Variants in NOTCH1 observed in about 807,000 individuals in gnomAD.
NOTCH1 encodes the protein notch receptor 1.
A neutral mutation model predicts 254.8 loss-of-function variants in NOTCH1; 37 were observed. The ratio of observed to expected loss-of-function variants is 0.15; its 90% confidence interval spans 0.11 to 0.19. The LOEUF is 0.19. Among genes scored for constraint, NOTCH1 ranks in the 10% least tolerant of loss-of-function variants. The pLI is 1.00. For missense variants in NOTCH1, 2,972 were observed against 3,708.6 expected (o/e 0.80, Z 5.16); for synonymous variants, 1,731 against 1,618.1 (o/e 1.07, Z -1.68).
intron 33 of NOTCH1, among the ~76,000 whole-genome samples, chr9:136,497,931 G>C (rs960978776): frequency 6.6e-6 from 1 of 152,182 alleles, no homozygotes; most frequent in Non-Finnish European, 1.5e-5. Flanking sequence ...AGGCACCGGC[G>C]AGGGCACCAG....
chr9:136,513,404 C>T lies in NOTCH1; in HGVS notation c.2341G>A (p.Glu781Lys), dbSNP rs1289723896. Residue 781 changes from glutamate to lysine, a missense_variant, in exon 14 of 34, where the codon GAG (glutamate) becomes AAG (lysine). By Grantham distance (56) the Glu-to-Lys change is moderately conservative (BLOSUM62 1). Around this residue, in one of 8 missense-constraint regions of NOTCH1, gnomAD observed 1,343 missense variants for 1,557.0 expected, o/e 0.86. Coordinates refer to ENST00000651671, the MANE Select transcript of NOTCH1 (RefSeq NM_017617.5). This position sits in a 1 kb window ranked among gnomAD's most constrained non-coding sequence, Gnocchi z 4.7. ...MTSGYVCTCR[E>K]GFSGPNCQTN... Reference sequence around the variant, plus strand: ...GCAGCCCACTCACCGCTGAAGCCCTCCCGGCAGGTGCACACGTAGCCACTG... The same window carrying T: ...GCAGCCCACTCACCGCTGAAGCCCTTCCGGCAGGTGCACACGTAGCCACTG... 2 of 1,612,934 alleles carry T rather than the reference C, an allele frequency of 1.2e-6. No individual in the cohort carries two copies. The highest frequency in any genetic ancestry group is 2.2e-5 in the South Asian group (2 of 91,088).
Position 136,508,078 on chromosome 9 carries a change from G to A in NOTCH1, c.3387C>T (p.His1129=), listed in dbSNP as rs1843117451. ...GGLCVDAGNT[H]HCRCQAGYTG... ...TGTAGCCCGCCTGGCAGCGGCAGTG[G>A]TGCGTGTTGCCCGCGTCCACACAGA... The change falls in exon 21 of 34, where the codon CAC becomes CAT. Residue 1129 remains histidine (H), a synonymous_variant. Transcript: ENST00000651671. 1 of 1,610,378 alleles carries A rather than the reference G, an allele frequency of 6.2e-7. No homozygotes were observed. The highest frequency in any genetic ancestry group is 1.1e-5 in the South Asian group (1 of 91,086).
At position 136,497,405 on chromosome 9, in the gene NOTCH1, G is replaced by C. The variant is rs1257768093; in HGVS notation, c.6334C>G (p.Leu2112Val). The part of the protein sequence containing the change: ...QERMHHDIVR[L>V]LDEYNLVRSP... ...CGCACCAGGTTGTACTCGTCCAGCAGCCTCACGATGTCGTGATGCATGCGC... is the reference window on the plus strand; with the variant it reads ...CGCACCAGGTTGTACTCGTCCAGCACCCTCACGATGTCGTGATGCATGCGC... Residue 2112 changes from leucine (L) to valine (V), a missense_variant, in exon 34 of 34, where the codon CTG becomes GTG. By Grantham distance (32) the Leu-to-Val change is conservative. Around this residue, in one of 8 missense-constraint regions of NOTCH1, gnomAD observed 529 missense variants for 529.2 expected, o/e 1.00. Transcript: ENST00000651671. 6.2e-7 allele frequency: 1 copy of C among 1,610,940 alleles called. No homozygotes were observed. Among genetic ancestry groups the C allele is most frequent in the Non-Finnish European group, 8.5e-7 (1 of 1,179,892 alleles).
intron 6 of NOTCH1, 33 bp downstream of exon 6, chr9:136,518,558 C>T (rs2133370436): frequency 6.3e-7 from 1 of 1,577,792 alleles, no homozygotes; most frequent in Non-Finnish European, 8.7e-7. Flanking sequence ...CCATGTGAGC[C>T]CCCTGCGCCC....
Position 136,496,779 on chromosome 9 carries a change from C to T in NOTCH1, c.6960G>A (p.Pro2320=), listed in dbSNP as rs768457106. 58 of 1,612,734 alleles carry T rather than the reference C, an allele frequency of 3.6e-5. No individual in the cohort carries two copies. The highest frequency in any genetic ancestry group is 3.4e-5 in the Non-Finnish European group (40 of 1,180,004). ...WLSRLQSGMV[P]NQYNPLRGSV... is the part of the protein sequence containing the mutation. ...TCCCCCGCAGAGGGTTGTATTGGTTCGGCACCATGCCGCTCTGCAGCCGGG... is the reference window on the plus strand; with the variant it reads ...TCCCCCGCAGAGGGTTGTATTGGTTTGGCACCATGCCGCTCTGCAGCCGGG... Residue 2320 remains proline, a synonymous_variant, in exon 34 of 34, where the codon CCG becomes CCA. Transcript: ENST00000651671.
At position 136,517,027 on chromosome 9, in the gene NOTCH1, G is replaced by A. The variant is rs3124605; in HGVS notation, c.1555+245C>T. ...CCCAGGGGCAGGGGACACAATCCAC[G>A]GCCAGGCCCCCCTCAGGAGGCCGGG... On this transcript the variant is annotated intron_variant, in intron 9 of 33. Coordinates refer to ENST00000651671, the MANE Select transcript of NOTCH1 (RefSeq NM_017617.5). Among the ~76,000 whole-genome samples the A allele has an allele frequency of 0.44, 63,436 of 144,084 alleles. 15,456 individuals are homozygous for A. The highest frequency in any genetic ancestry group is 0.85 in the East Asian group (4,020 of 4,724). 94.5% of individuals were successfully genotyped at this position (144,084 alleles called of 152,430 possible).
At chr9:136,542,724 C>A (rs767549619) in intron 2 of NOTCH1, among the ~76,000 whole-genome samples, 1 of 148,652 alleles carries the variant, frequency 6.7e-6, no homozygotes, top group Non-Finnish European at 1.5e-5. Flanking sequence ...AGGCAGGAGC[C>A]GGGCTGGGGT....
At chr9:136,509,275 T>C (rs1394893207) in intron 18 of NOTCH1, among the ~76,000 whole-genome samples, 2 of 152,162 alleles carry the variant, frequency 1.3e-5, no homozygotes, top group African/African-American at 4.8e-5. Flanking sequence ...CTCCCTCCCC[T>C]GCTTTCTTTA....
intron 4 of NOTCH1, among the ~76,000 whole-genome samples, chr9:136,520,645 G>C (rs1432005209): frequency 1.3e-5 from 2 of 151,988 alleles, no homozygotes; most frequent in Non-Finnish European, 2.9e-5. Context: ...GGCTGAGGCA[G>C]AAGGATCGCT....
In NOTCH1 at chr9:136,497,120, G is replaced by C; in HGVS notation, c.6619C>G (p.His2207Asp). 1 of 1,612,150 alleles carries C rather than the reference G, an allele frequency of 6.2e-7. No individual in the cohort carries two copies. Among genetic ancestry groups the C allele is most frequent in the Non-Finnish European group, 8.5e-7 (1 of 1,179,636 alleles). The change falls in exon 34 of 34, where the codon CAT (histidine) becomes GAT (aspartate). Residue 2207 changes from histidine to aspartate, a missense_variant. His to Asp is a moderately conservative substitution (Grantham distance 81). This residue lies in a region of NOTCH1 where 529 missense variants were observed against 529.2 expected (regional missense o/e 1.00). Transcript: ENST00000651671. Reference protein sequence around the residue: ...LSPVDSLESPHGYLSDVASPP... With the variant: ...LSPVDSLESPDGYLSDVASPP... ...GAGGCCACGTCTGACAGGTAGCCAT[G>C]GGGTGACTCCAGGGAGTCCACGGGC...
At chr9:136,511,984 T>A (rs1473938353) in intron 15 of NOTCH1, among the ~76,000 whole-genome samples, 1 of 152,214 alleles carries the variant, frequency 6.6e-6, no homozygotes, top group African/African-American at 2.4e-5. Flanking sequence ...TCCCCCATTA[T>A]CTCCCTGGCC....
At chr9:136,521,633 CCAG>C (rs767387342) in intron 4 of NOTCH1, among the ~76,000 whole-genome samples, 87 of 152,316 alleles carry the variant, frequency 5.7e-4, no homozygotes, top group Non-Finnish European at 1.0e-3. Flanking sequence ...TGAGCCCCCA[CCAG>C]CAGAAGGGCT....
chr9:136,510,591 T>G (rs1843163572), intron 17 of NOTCH1, 62 bp downstream of exon 17: 2 of 1,560,404 alleles, frequency 1.3e-6, no homozygotes, highest in African/African-American at 2.7e-5. Flanking sequence ...GCACCAACCC[T>G]GCCCGGGGGA....
Position 136,496,857 on chromosome 9 carries a change from C to T in NOTCH1, c.6882G>A (p.Leu2294=), listed in dbSNP as rs772196777. 1.2e-6 allele frequency: 2 copies of T among 1,612,950 alleles called. No individual in the cohort carries two copies. The highest frequency in any genetic ancestry group is 1.7e-6 in the Non-Finnish European group (2 of 1,180,004). The change falls in exon 34 of 34, where the codon CTG becomes CTA. Residue 2294 remains leucine, a synonymous_variant. Coordinates refer to ENST00000651671, the MANE Select transcript of NOTCH1 (RefSeq NM_017617.5). The part of the protein sequence containing the change: ...TVLGSSSGGA[L]NFTVGGSTSL... ...TGGTGGACCCGCCCACAGTGAAATT[C>T]AGGGCCCCTCCGCTGCTGGAGCCCA...
intron 3 of NOTCH1, 22 bp from the exon 4 acceptor site, chr9:136,523,210 G>A: frequency 6.3e-7 from 1 of 1,575,450 alleles, no homozygotes; most frequent in Non-Finnish European, 8.6e-7. Context: ...GGGACAAGAG[G>A]GTCGTGCTGG....
intron 26 of NOTCH1, among the ~76,000 whole-genome samples, chr9:136,504,244 C>G (rs1280283978): frequency 1.3e-5 from 2 of 152,228 alleles, no homozygotes; most frequent in Non-Finnish European, 2.9e-5. Flanking sequence ...CCTATGTTGC[C>G]CAGACTGGTC....
At chr9:136,523,284 C>T (rs1326783910) in intron 3 of NOTCH1, 96 bp from the exon 4 acceptor site, 34 of 1,269,936 alleles carry the variant, frequency 2.7e-5, no homozygotes, top group Non-Finnish European at 3.4e-5. Context: ...CCAGCCTGGG[C>T]TCCACCTTAG....
intron 27 of NOTCH1, 132 bp downstream of exon 27, chr9:136,503,050 C>T: frequency 7.4e-7 from 1 of 1,343,424 alleles, no homozygotes; most frequent in Non-Finnish European, 1.0e-6. Context: ...TCCAGAAAAG[C>T]CCTACCCCAA....
chr9:136,518,216 G>A lies in NOTCH1; in HGVS notation c.1176C>T (p.Val392=). Residue 392 remains valine, a synonymous_variant, in exon 7 of 34, where the codon GTC becomes GTT. Transcript: ENST00000651671. ...GGCAGGTGCAGATGGCCTTGCCATT[G>A]ACAGGGTTGGTGTCGCAGTTGGAGC... is the stretch of plus-strand genomic sequence containing the variant. The part of the protein sequence containing the change: ...NEGSNCDTNP[V]NGKAICTCPS... 4 of 1,609,032 alleles carry A rather than the reference G, an allele frequency of 2.5e-6. No individual in the cohort carries two copies. Among genetic ancestry groups the A allele is most frequent in the Non-Finnish European group, 3.4e-6 (4 of 1,178,322 alleles).
Sources: gnomAD v4.1 joint callset for allele counts (sites outside exome capture counted in the v4.1 genomes callset) on GRCh38, gnomAD v4.1.1 for gene constraint, gnomAD v4.1.1 regional missense constraint, Gnocchi (gnomAD v3.1) non-coding constraint, MANE v1.5 for transcripts, NCBI Gene and HGNC (gene_info 2026-07-23, HGNC 2026-07-21) for gene names.